ZMYND19: variants seen among roughly 807,000 people sequenced by gnomAD.
The protein encoded by ZMYND19 is zinc finger MYND-type containing 19.
In ZMYND19, 17 loss-of-function variants were observed where a neutral mutation model predicts 32.0. The observed-to-expected ratio is 0.53, with a 90% CI of 0.36 to 0.80. ZMYND19 has a LOEUF of 0.80. Ranked by LOEUF, ZMYND19 falls within the 30% of genes least tolerant of loss-of-function variation. The probability of loss-of-function intolerance (pLI) is 0.00; values close to 1 mark genes in which losing one functional copy is unlikely to be tolerated. For missense variants in ZMYND19, 250 were observed against 293.6 expected (o/e 0.85, Z 1.09); for synonymous variants, 124 against 113.6 (o/e 1.09, Z -0.58).
At chr9:137,582,925 C>T in intron 5 of ZMYND19, 58 bp downstream of exon 5, 2 of 1,592,242 alleles carry the variant, frequency 1.3e-6, no homozygotes, top group Non-Finnish European at 1.7e-6. Context: ...GATCCCAAAC[C>T]AAGGCTGGGC....
rs967973487 is a variant in ZMYND19 at position 137,589,283 on chromosome 9, G to C, written c.52-565C>G. On this transcript the variant is annotated intron_variant, in intron 1 of 5. Transcript: ENST00000298585. Reference sequence around the variant, plus strand: ...GCCCACCCTTCCCTGGTGGAAAAAAGCCTCCTCCCCAGCAGGCCCTGCCTA... The same window carrying C: ...GCCCACCCTTCCCTGGTGGAAAAAACCCTCCTCCCCAGCAGGCCCTGCCTA... 1.2e-5 allele frequency: 12 copies of C among 974,502 alleles called. No homozygotes were observed. In the Admixed American group the frequency reaches 1.8e-4, roughly 15 times the overall value. 60.4% of individuals were successfully genotyped at this position (974,502 alleles called of 1,614,324 possible). A position where few individuals can be genotyped will look rare whatever the true frequency, so the allele number is the denominator to read the frequency against.
In ZMYND19 at chr9:137,586,499, CGAGGTGAGAGAAGGAAGGAATCCT is replaced by C. The variant is rs1468562120; in HGVS notation, c.359+444_359+467del. Among the ~76,000 whole-genome samples, 237 of 144,740 alleles carry C rather than the reference CGAGGTGAGAGAAGGAAGGAATCCT, an allele frequency of 1.6e-3. 2 individuals are homozygous for C. Among genetic ancestry groups the C allele is most frequent in the Middle Eastern group, 3.9e-3 (1 of 258 alleles). 95.0% of individuals were successfully genotyped at this position (144,740 alleles called of 152,430 possible). On this transcript the variant is annotated intron_variant, in intron 4 of 5. Transcript: ENST00000298585. ...CCGAGGTGAGAGAAGGAAGGAATCC[CGAGGTGAGAGAAGGAAGGAATCCT>C]GAGGTGAGAGAAGGAAGGAATCCTG...
intron 1 of ZMYND19, chr9:137,589,868 A>T (rs2133305244): frequency 1.0e-6 from 1 of 985,378 alleles, no homozygotes; most frequent in Non-Finnish European, 1.2e-6. Context: ...TAGGCCCCGG[A>T]TCGCCGACAC....
chr9:137,588,179 G>A (rs565372356), intron 2 of ZMYND19, among the ~76,000 whole-genome samples: 43 of 152,366 alleles, frequency 2.8e-4, no homozygotes, highest in Middle Eastern at 3.4e-3. Context: ...GATAAAGGAT[G>A]GTGAGGGAGG....
At chr9:137,585,174 G>A (rs1842190432) in intron 4 of ZMYND19, among the ~76,000 whole-genome samples, 1 of 152,172 alleles carries the variant, frequency 6.6e-6, no homozygotes, top group African/African-American at 2.4e-5. Flanking sequence ...TGTAATCCCA[G>A]CACTTTGGGA....
intron 3 of ZMYND19, 79 bp from the exon 4 acceptor site, chr9:137,587,186 A>G (rs1842215536): frequency 6.5e-7 from 1 of 1,545,618 alleles, no homozygotes; most frequent in Non-Finnish European, 8.6e-7. Context: ...GTCAGGTACC[A>G]AAGTCCTTCC....
chr9:137,586,563 A>G (rs778483296), intron 4 of ZMYND19, among the ~76,000 whole-genome samples: 14 of 149,954 alleles, frequency 9.3e-5, no homozygotes, highest in Non-Finnish European at 1.9e-4. Flanking sequence ...GAGAGAAGGA[A>G]GGAATCCTGA....
intron 5 of ZMYND19, 34 bp from the exon 6 acceptor site, chr9:137,582,720 T>C: frequency 3.1e-6 from 5 of 1,605,340 alleles, no homozygotes; most frequent in African/African-American, 1.3e-5. Flanking sequence ...TTCACCATCA[T>C]GCCTGGGACG....
rs1310865344 is a variant in ZMYND19 at position 137,590,161 on chromosome 9, CGGAGG to C, written c.51+47_51+51del. 53 of 1,002,476 alleles carry C rather than the reference CGGAGG, an allele frequency of 5.3e-5. No individual in the cohort carries two copies. In the African/African-American group the frequency reaches 8.2e-4, roughly 16 times the overall value. The allele number at this position is 1,002,476 out of a possible 1,614,324, so 62.1% of individuals were successfully genotyped here. ...CCGCACAACCGCCCCCGGCCCCGCG[CGGAGG>C]CCTGGACGGGCGAGACGGGCCGGGT... On this transcript the variant is annotated intron_variant, in intron 1 of 5. Coordinates refer to ENST00000298585, the MANE Select transcript of ZMYND19 (RefSeq NM_138462.3). This position sits in a 1 kb window ranked among gnomAD's most constrained non-coding sequence, Gnocchi z 4.2.
intron 4 of ZMYND19, among the ~76,000 whole-genome samples, chr9:137,584,377 G>A (rs923675794): frequency 2.0e-5 from 3 of 152,242 alleles, no homozygotes; most frequent in African/African-American, 7.2e-5. Context: ...GGCTGACCAG[G>A]AGCATCAGCC....
rs558519992 is a variant in ZMYND19, at chr9:137,582,273, C to G, written c.*270G>C. ...TTCTACCCTTCCCATTGCCTCCCCC[C>G]CAAAAAAAACTGTACATGAGTTTAC... On this transcript the variant is annotated 3_prime_UTR_variant, in exon 6 of 6. Coordinates refer to ENST00000298585, the MANE Select transcript of ZMYND19 (RefSeq NM_138462.3). 7.4e-5 allele frequency: 26 copies of G among 349,874 alleles called. No individual in the cohort carries two copies. The South Asian group carries it at 1.3e-3, about 18-fold the overall frequency. 21.7% of individuals were successfully genotyped at this position (349,874 alleles called of 1,614,324 possible).
chr9:137,586,858 A>G, intron 4 of ZMYND19, 109 bp downstream of exon 4: 1 of 1,436,734 alleles, frequency 7.0e-7, no homozygotes, highest in Non-Finnish European at 9.5e-7. Flanking sequence ...ACACAGAAGC[A>G]TCAGGGCTCA....
intron 2 of ZMYND19, among the ~76,000 whole-genome samples, chr9:137,588,416 AAGTG>A (rs1842230570): frequency 6.6e-6 from 1 of 152,098 alleles, no homozygotes; most frequent in African/African-American, 2.4e-5. Flanking sequence ...GCTGGGGTGA[AAGTG>A]AGGAAGACCA....
At chr9:137,582,798 C>CT (rs1408097991) in intron 5 of ZMYND19, 112 bp from the exon 6 acceptor site, 5 of 1,521,434 alleles carry the variant, frequency 3.3e-6, no homozygotes, top group Non-Finnish European at 2.6e-6. Flanking sequence ...CGTACCAAGG[C>CT]TGGAGGGCCT....
intron 2 of ZMYND19, among the ~76,000 whole-genome samples, 177 bp from the exon 3 acceptor site, chr9:137,588,000 G>A (rs1006978968): frequency 5.3e-5 from 8 of 152,204 alleles, no homozygotes; most frequent in Non-Finnish European, 8.8e-5. Flanking sequence ...AGGGGCCAGC[G>A]TGGCCCACCA....
Position 137,583,129 on chromosome 9 carries a change from G to A in ZMYND19, c.394C>T (p.Leu132=). 1 of 1,614,094 alleles carries A rather than the reference G, an allele frequency of 6.2e-7. No individual in the cohort carries two copies. The highest frequency in any genetic ancestry group is 8.5e-7 in the Non-Finnish European group (1 of 1,180,008). The change falls in exon 5 of 6, where the codon CTG becomes TTG. Residue 132 remains leucine, a synonymous_variant. Transcript: ENST00000298585. ...QSLYWLAIQQ[L]PTDPIEEQFP... is the part of the protein sequence containing the mutation. The stretch of plus-strand genomic sequence containing the variant: ...TGTTCTTCTATAGGGTCTGTAGGCA[G>A]CTGCTGAATTGCAAGCCAATACAAG...
intron 2 of ZMYND19, 66 bp downstream of exon 2, chr9:137,588,593 G>T: frequency 6.4e-7 from 1 of 1,573,418 alleles, no homozygotes; most frequent in Non-Finnish European, 8.7e-7. Context: ...GAGAGAGCTC[G>T]TTCCTCGTGA....
chr9:137,586,851 C>G (rs1460728584), intron 4 of ZMYND19, 116 bp downstream of exon 4: 12 of 1,381,608 alleles, frequency 8.7e-6, no homozygotes, highest in Admixed American at 2.3e-5. Context: ...CCAAAATACA[C>G]AGAAGCATCA....
At chr9:137,588,247 G>C (rs1019629945) in intron 2 of ZMYND19, among the ~76,000 whole-genome samples, 3 of 152,230 alleles carry the variant, frequency 2.0e-5, no homozygotes, top group Non-Finnish European at 2.9e-5. Flanking sequence ...CATGAGAGCA[G>C]AGAACGGGAG....
Sources: allele counts gnomAD v4.1 joint callset (sites outside exome capture counted in the v4.1 genomes callset), GRCh38; gene constraint gnomAD v4.1.1; non-coding constraint Gnocchi (gnomAD v3.1); transcripts MANE v1.5; gene names NCBI Gene and HGNC (gene_info 2026-07-23, HGNC 2026-07-21).